The following EMCN variants were observed in gnomAD, a reference collection of about 807,000 sequenced individuals.
EMCN encodes the protein endomucin, also known as MUC-14.
In EMCN, 37 loss-of-function variants were observed where a neutral mutation model predicts 38.4. The observed-to-expected ratio is 0.96, with a 90% CI of 0.74 to 1.27. The LOEUF (loss-of-function observed/expected upper bound fraction) is 1.27. Ranked by LOEUF, EMCN falls within the 50% of genes most tolerant of loss-of-function variation. The probability of loss-of-function intolerance (pLI) is 0.00; values close to 1 mark genes in which losing one functional copy is unlikely to be tolerated. For missense variants in EMCN, 318 were observed against 302.8 expected, an observed-to-expected ratio of 1.05 and a Z score of -0.37; for synonymous variants, 95 against 100.8, an observed-to-expected ratio of 0.94 and a Z score of 0.35.
At chr4:100,415,749 C>A (rs553939618) in intron 10 of EMCN, 149 bp downstream of exon 10, 5 of 555,472 alleles carry the variant, frequency 9.0e-6, no homozygotes, top group Admixed American at 3.9e-5. Context: ...TTCTTTCCTT[C>A]ATGGGAGAAT....
intron 6 of EMCN, 73 bp downstream of exon 6, chr4:100,423,239 C>T: frequency 7.2e-7 from 1 of 1,384,310 alleles, no homozygotes; most frequent in Non-Finnish European, 1.0e-6. Context: ...TTTTGTGAGT[C>T]AAGATTGTTA....
chr4:100,444,638 A>T (rs1727616752), intron 5 of EMCN, among the ~76,000 whole-genome samples: 2 of 152,078 alleles, frequency 1.3e-5, no homozygotes, highest in African/African-American at 4.8e-5. Context: ...GAGGGTAGGA[A>T]GTAGTAGCAG....
chr4:100,468,103 A>G (rs886422533), intron 3 of EMCN, among the ~76,000 whole-genome samples: 1 of 152,250 alleles, frequency 6.6e-6, no homozygotes, highest in African/African-American at 2.4e-5. Context: ...AAGACAAAAC[A>G]TAATGAATTT....
Position 100,517,749 on chromosome 4 carries a change from G to T in EMCN, c.64+102C>A, listed in dbSNP as rs187843707. ...CACTCAACTCATCAAAGGAATTGCT[G>T]CATCTAAGTGTCAGGGGAAGATCCC... On this transcript the variant is annotated intron_variant, in intron 1 of 11. Transcript: ENST00000296420. 2.5e-5 allele frequency: 26 copies of T among 1,029,228 alleles called. No individual in the cohort carries two copies. The Admixed American group carries it at 4.3e-4, about 17-fold the overall frequency. 63.8% of individuals were successfully genotyped at this position (1,029,228 alleles called of 1,614,324 possible).
At chr4:100,454,713 A>T (rs1373505894) in intron 4 of EMCN, among the ~76,000 whole-genome samples, 1 of 152,138 alleles carries the variant, frequency 6.6e-6, no homozygotes, top group African/African-American at 2.4e-5. Flanking sequence ...GTCACCAATG[A>T]TGTCAAAGTA....
chr4:100,498,484 TG>T (rs1407575677), intron 1 of EMCN, among the ~76,000 whole-genome samples: 1 of 151,966 alleles, frequency 6.6e-6, no homozygotes, highest in Admixed American at 6.5e-5. Context: ...ATAATTACAG[TG>T]TATCACTTTT....
chr4:100,447,388 A>C, intron 5 of EMCN, 145 bp downstream of exon 5: 1 of 626,264 alleles, frequency 1.6e-6, no homozygotes, highest in Non-Finnish European at 2.8e-6. Flanking sequence ...TTTAAACTCA[A>C]GTTTTTCTAA....
intron 8 of EMCN, among the ~76,000 whole-genome samples, chr4:100,418,892 AAGCGTATATACCCAGC>A (rs1726811062): frequency 6.6e-6 from 1 of 152,062 alleles, no homozygotes; most frequent in African/African-American, 2.4e-5. Flanking sequence ...TTCCTGTGTT[AAGCGTATATACCCAGC>A]AGCGGGATTG....
At chr4:100,516,003 T>G (rs202055100) in intron 1 of EMCN, among the ~76,000 whole-genome samples, 46 of 151,922 alleles carry the variant, frequency 3.0e-4, no homozygotes, top group African/African-American at 1.1e-3. Context: ...AGGTTTGGTT[T>G]GTTTGTTTGT....
intron 7 of EMCN, 87 bp downstream of exon 7, chr4:100,422,934 C>T (rs1726933141): frequency 7.7e-7 from 1 of 1,306,670 alleles, no homozygotes; most frequent in East Asian, 2.3e-5. Flanking sequence ...GAAAAGGCTG[C>T]CCATAATCTG....
At chr4:100,516,095 C>T (rs1279915167) in intron 1 of EMCN, among the ~76,000 whole-genome samples, 2 of 152,020 alleles carry the variant, frequency 1.3e-5, no homozygotes, top group Non-Finnish European at 2.9e-5. Flanking sequence ...ATTGTCTCTG[C>T]TCAAATGGAA....
chr4:100,482,637 G>T (rs1342286603), intron 1 of EMCN, among the ~76,000 whole-genome samples: 2 of 152,060 alleles, frequency 1.3e-5, no homozygotes, highest in African/African-American at 4.8e-5. Flanking sequence ...CATGATCTGG[G>T]AAAATACTGA....
intron 4 of EMCN, among the ~76,000 whole-genome samples, chr4:100,457,066 AT>A (rs1728036906): frequency 6.6e-6 from 1 of 151,866 alleles, no homozygotes; most frequent in Non-Finnish European, 1.5e-5. Context: ...ATTTATTTCG[AT>A]TTAGTTTTTT....
In EMCN at chr4:100,417,842, A is replaced by G. The variant is rs150218082; in HGVS notation, c.665-701T>C. Among the ~76,000 whole-genome samples the G allele has an allele frequency of 5.0e-3, 767 of 152,306 alleles. 7 individuals carry two copies. The highest frequency in any genetic ancestry group is 0.017 in the African/African-American group (692 of 41,578). ...CAAATCTTGCATTAATCTATGGCCA[A>G]TCAGGCCAGCTGTTTAATGTGATTG... On this transcript the variant is annotated intron_variant, in intron 8 of 11. Transcript: ENST00000296420.
intron 5 of EMCN, among the ~76,000 whole-genome samples, chr4:100,429,313 T>C (rs1183527385): frequency 6.6e-6 from 1 of 152,178 alleles, no homozygotes; most frequent in Non-Finnish European, 1.5e-5. Context: ...GATGCAATTC[T>C]GTGTTTTGGA....
Position 100,486,176 on chromosome 4 carries a change from G to A in EMCN, c.65-6137C>T, listed in dbSNP as rs571122068. ...CAATATTAAGTGAAATCAAAGTGAG[G>A]TCATGTCTCTCTACGTGTCTGGCAT... On this transcript the variant is annotated intron_variant, in intron 1 of 11. Transcript: ENST00000296420. Among the ~76,000 whole-genome samples the A allele has an allele frequency of 3.9e-5, 6 of 152,264 alleles. No homozygotes were observed. In the South Asian group the frequency reaches 1.0e-3, roughly 26 times the overall value.
intron 3 of EMCN, among the ~76,000 whole-genome samples, chr4:100,473,363 G>GTTTTTTTTTTTT (rs1560630169): frequency 2.8e-5 from 1 of 36,002 alleles, no homozygotes; most frequent in Non-Finnish European, 6.8e-5. Context: ...TTCCCGTTTC[G>GTTTTTTTTTTTT]TGTTTTTTTG....
intron 5 of EMCN, among the ~76,000 whole-genome samples, chr4:100,440,418 G>C (rs1249138964): frequency 4.6e-5 from 7 of 151,922 alleles, no homozygotes; most frequent in Admixed American, 4.6e-4. Context: ...AGCCTCTAAA[G>C]TTTATTATAT....
intron 3 of EMCN, among the ~76,000 whole-genome samples, chr4:100,466,811 G>A (rs914630714): frequency 6.6e-6 from 1 of 152,140 alleles, no homozygotes; most frequent in Non-Finnish European, 1.5e-5. Context: ...TAAAGATTTT[G>A]CTTCCCACTG....
Sources: allele counts gnomAD v4.1 joint callset (sites outside exome capture counted in the v4.1 genomes callset), GRCh38; gene constraint gnomAD v4.1.1; transcripts MANE v1.5; gene names NCBI Gene and HGNC (gene_info 2026-07-23, HGNC 2026-07-21).